Variants in FHL1 observed in about 807,000 individuals in gnomAD.
The protein encoded by FHL1 is four and a half LIM domains 1.
FHL1 carries 1 observed loss-of-function variant against 20.3 expected under a neutral mutation model. The ratio of observed to expected loss-of-function variants is 0.05; its 90% CI spans 0.02 to 0.23. The LOEUF is 0.23. Among genes scored for constraint, FHL1 ranks in the 10% least tolerant of loss-of-function variants. The pLI is 1.00. For missense variants in FHL1, 177 were observed against 234.0 expected (o/e 0.76, Z 1.59); for synonymous variants, 82 against 88.9 (o/e 0.92, Z 0.44).
chrX:136,200,171 T>A (rs1316236464), intron 1 of FHL1, among the ~76,000 whole-genome samples: 1 of 111,874 alleles, frequency 8.9e-6, no homozygotes, highest in African/African-American at 3.2e-5. Flanking sequence ...AGGCTACCCT[T>A]TTGGAATAAA....
chrX:136,207,387 G>C (rs1347880745), intron 3 of FHL1, 197 bp downstream of exon 3: 8 of 448,710 alleles, frequency 1.8e-5, no homozygotes, highest in Non-Finnish European at 2.7e-5. Flanking sequence ...GGAGACTAAA[G>C]AACACTGGCG....
intron 1 of FHL1, among the ~76,000 whole-genome samples, chrX:136,152,673 T>C (rs765382635): frequency 2.8e-4 from 25 of 89,871 alleles, no homozygotes; most frequent in Non-Finnish European, 4.1e-4. Flanking sequence ...TGAGCCGAGA[T>C]AGCGCCACTG....
At chrX:136,190,716 A>C (rs1397410997) in intron 2 of FHL1, among the ~76,000 whole-genome samples, 1 of 111,702 alleles carries the variant, frequency 9.0e-6, no homozygotes, top group East Asian at 2.8e-4. Flanking sequence ...TACCATACAT[A>C]GCATTCCTAA....
At chrX:136,188,843 A>G (rs910005041) in intron 2 of FHL1, among the ~76,000 whole-genome samples, 13 of 110,892 alleles carry the variant, frequency 1.2e-4, no homozygotes, top group African/African-American at 4.3e-4. Flanking sequence ...CACCCAAGCT[A>G]TGTCTCGGCA....
intron 1 of FHL1, among the ~76,000 whole-genome samples, chrX:136,159,372 T>A (rs2072506083): frequency 9.1e-6 from 1 of 110,106 alleles, no homozygotes; most frequent in African/African-American, 3.3e-5. Context: ...TGAAACCCTG[T>A]CTCTACTGAA....
At chrX:136,199,880 A>G (rs1016346040) in intron 1 of FHL1, among the ~76,000 whole-genome samples, 1 of 112,454 alleles carries the variant, frequency 8.9e-6, no homozygotes, top group Non-Finnish European at 1.9e-5. Flanking sequence ...GAAGAAATAC[A>G]TGAGAAAATA....
intron 2 of FHL1, among the ~76,000 whole-genome samples, chrX:136,187,350 A>G (rs1018984867): frequency 2.5e-4 from 28 of 111,606 alleles, no homozygotes; most frequent in African/African-American, 8.8e-4. Flanking sequence ...CATGCAAAAA[A>G]AAGAATGTTC....
intron 2 of FHL1, among the ~76,000 whole-genome samples, chrX:136,187,010 A>C (rs754472269): frequency 1.8e-5 from 2 of 111,081 alleles, no homozygotes; most frequent in Non-Finnish European, 3.8e-5. Flanking sequence ...CATGTTCAAA[A>C]AGTAGAAGCT....
At chrX:136,164,882 A>G (rs1477746434), upstream of FHL1, among the ~76,000 whole-genome samples, 2 of 112,635 alleles carry the variant, frequency 1.8e-5, no homozygotes, top group East Asian at 5.5e-4. Flanking sequence ...AAGAAGTGCA[A>G]AAATCTGCAG....
At chrX:136,191,300 A>C (rs1210680868) in intron 2 of FHL1, among the ~76,000 whole-genome samples, 1 of 112,549 alleles carries the variant, frequency 8.9e-6, no homozygotes, top group East Asian at 2.8e-4. Context: ...TCAGGCAGTC[A>C]AATGTTGGCC....
intron 1 of FHL1, among the ~76,000 whole-genome samples, chrX:136,159,054 T>C (rs1275879412): frequency 2.8e-5 from 3 of 107,085 alleles, no homozygotes; most frequent in African/African-American, 1.0e-4. Flanking sequence ...ATATTAATAA[T>C]AGGGGAAACT....
At position 136,152,719 on chromosome X, in the gene FHL1, CA is replaced by C. The variant is rs768022110; in HGVS notation, c.-101+5113del. 2.9e-3 allele frequency among the ~76,000 whole-genome samples: 152 copies of C among 53,010 alleles called. 1 individual carries two copies. The highest frequency in any genetic ancestry group is 0.021 in the Middle Eastern group (2 of 94). The allele number at this position is 53,010 out of a possible 115,157, so 46.0% of individuals were successfully genotyped here. The stretch of plus-strand genomic sequence containing the variant: ...TGGGCGACAGAGCTAGACTCCATCT[CA>C]AAAAAAAAAAAAAAAAAAAAAGTAA... On this transcript the variant is annotated intron_variant, in intron 1 of 7. Transcript: ENST00000394155.
intron 1 of FHL1, among the ~76,000 whole-genome samples, chrX:136,159,672 A>G (rs2072513760): frequency 8.9e-6 from 1 of 112,507 alleles, no homozygotes. Context: ...ATGAGGTTCC[A>G]GGAGAGCTGC....
At chrX:136,168,964 C>T (rs1484855486), upstream of FHL1, among the ~76,000 whole-genome samples, 1 of 111,698 alleles carries the variant, frequency 9.0e-6, no homozygotes, top group African/African-American at 3.3e-5. Context: ...CAGGCACTGA[C>T]CTGGGTGTTG....
At chrX:136,192,247 G>A (rs150481888), upstream of FHL1, among the ~76,000 whole-genome samples, 2 of 111,559 alleles carry the variant, frequency 1.8e-5, no homozygotes, top group Non-Finnish European at 3.8e-5. Context: ...CATTTGTTCG[G>A]TGTTTTCCTG....
chrX:136,186,125 C>G lies in FHL1; in HGVS notation c.-27+16145C>G, dbSNP rs2073280050. 2.7e-5 allele frequency among the ~76,000 whole-genome samples: 3 copies of G among 112,194 alleles called. No individual in the cohort carries two copies. The South Asian group carries it at 1.1e-3, about 42-fold the overall frequency. Reference sequence around the variant, plus strand: ...TTGAGAAGTATAATCTCCATTGCCACTAATCCATCATGGTGTGGCACTGCA... The same window carrying G: ...TTGAGAAGTATAATCTCCATTGCCAGTAATCCATCATGGTGTGGCACTGCA... On this transcript the variant is annotated intron_variant, in intron 2 of 6. Transcript: ENST00000394153.
Position 136,207,960 on chromosome X carries a change from A to G in FHL1, c.548A>G (p.Lys183Arg), listed in dbSNP as rs778371222. The G allele has an allele frequency of 8.2e-7, 1 of 1,212,361 alleles. No individual in the cohort carries two copies. The highest frequency in any genetic ancestry group is 1.8e-5 in the South Asian group (1 of 57,040). The change falls in exon 4 of 6, where the codon AAG (lysine) becomes AGG (arginine). Residue 183 changes from lysine to arginine, a missense_variant and splice_region_variant. Coordinates refer to ENST00000370683, the MANE Select transcript of FHL1 (RefSeq NM_001159699.2). Reference sequence around the variant, plus strand: ...GCCAAGCATTGCGTGAAGTGCAACAAGGTATGCTTTCAAGGGAGTTCTGCA... The same window carrying G: ...GCCAAGCATTGCGTGAAGTGCAACAGGGTATGCTTTCAAGGGAGTTCTGCA... ...KFAKHCVKCNKAITSGGITYQ... is the reference protein window; with the variant it reads ...KFAKHCVKCNRAITSGGITYQ...
At chrX:136,206,288 T>A (rs762754440) in intron 1 of FHL1, 119 bp from the exon 2 acceptor site, 3 of 881,328 alleles carry the variant, frequency 3.4e-6, no homozygotes, top group Non-Finnish European at 5.0e-6. Flanking sequence ...GGAAGCTGGG[T>A]CTTGGTCCTC....
chrX:136,148,420 G>C (rs2072169603), intron 1 of FHL1: 1 of 101,054 alleles, frequency 9.9e-6, no homozygotes, highest in Non-Finnish European at 2.0e-5. Context: ...TGGGGAGGGG[G>C]TATTTCAGCT....
Sources: gnomAD v4.1 joint callset for allele counts (sites outside exome capture counted in the v4.1 genomes callset) on GRCh38, gnomAD v4.1.1 for gene constraint, MANE v1.5 for transcripts, NCBI Gene and HGNC (gene_info 2026-07-23, HGNC 2026-07-21) for gene names.